Variants in PRDM16 observed in about 807,000 individuals in gnomAD.
The protein encoded by PRDM16 is PR/SET domain 16, also known as histone-lysine N-methyltransferase PRDM16.
A neutral mutation model predicts 110.6 loss-of-function variants in PRDM16; 23 were observed. The ratio of observed to expected loss-of-function variants is 0.21; its 90% confidence interval spans 0.15 to 0.29. PRDM16 has a LOEUF of 0.29. Ranked by LOEUF, PRDM16 falls within the 10% of genes least tolerant of loss-of-function variation. The pLI, the probability that PRDM16 is intolerant of heterozygous loss-of-function variation, is 1.00. For synonymous variants in PRDM16, 799 were observed against 781.8 expected (o/e 1.02, Z -0.37); for missense variants, 1,615 against 1,794.3 (o/e 0.90, Z 1.81).
rs1253284043 is a variant in PRDM16, at chr1:3,143,399, G to T, written c.38-42726G>T. 6.6e-6 allele frequency among the ~76,000 whole-genome samples: 1 copy of T among 152,192 alleles called. No homozygotes were observed. Among genetic ancestry groups the T allele is most frequent in the South Asian group, 2.1e-4 (1 of 4,830 alleles). ...TCCCAGCAGGTGGCCTCCCCAACTT[G>T]AGCTGGGTTCATTTCCTCTCTCCAC... On this transcript the variant is annotated intron_variant, in intron 1 of 16. Coordinates refer to ENST00000270722, the MANE Select transcript of PRDM16 (RefSeq NM_022114.4). This position sits in a 1 kb window ranked among gnomAD's most constrained non-coding sequence, Gnocchi z 4.5.
chr1:3,191,451 A>G, intron 2 of PRDM16, among the ~76,000 whole-genome samples: 1 of 152,126 alleles, frequency 6.6e-6, no homozygotes, highest in South Asian at 2.1e-4. Flanking sequence ...CAGGGCCAGG[A>G]CCTGCCAGTC....
At chr1:3,212,279 C>G (rs954207805) in intron 2 of PRDM16, among the ~76,000 whole-genome samples, 1 of 152,194 alleles carries the variant, frequency 6.6e-6, no homozygotes, top group African/African-American at 2.4e-5. Context: ...TAGTTAAGCT[C>G]CTCATTTGTC....
intron 1 of PRDM16, among the ~76,000 whole-genome samples, chr1:3,145,888 C>A (rs898344561): frequency 1.3e-5 from 2 of 152,190 alleles, no homozygotes; most frequent in African/African-American, 4.8e-5. Context: ...GGTGGGCAGC[C>A]CGGTCAGCCC....
At chr1:3,334,401 AC>A (rs201338927) in intron 3 of PRDM16, among the ~76,000 whole-genome samples, 2 of 142,258 alleles carry the variant, frequency 1.4e-5, no homozygotes, top group South Asian at 2.4e-4. Context: ...CCCATAACCC[AC>A]CCCCCCACAT....
At chr1:3,331,047 G>A (rs1443483704) in intron 3 of PRDM16, among the ~76,000 whole-genome samples, 1 of 152,224 alleles carries the variant, frequency 6.6e-6, no homozygotes, top group African/African-American at 2.4e-5. Context: ...ACCCCACATT[G>A]ACAGGCCCCA....
intron 2 of PRDM16, among the ~76,000 whole-genome samples, chr1:3,234,063 T>C (rs1639482243): frequency 6.6e-6 from 1 of 152,046 alleles, no homozygotes; most frequent in Admixed American, 6.5e-5. Flanking sequence ...CCAGGCTGGA[T>C]GTGACTTTCG....
intron 2 of PRDM16, among the ~76,000 whole-genome samples, chr1:3,221,381 T>A (rs1639147324): frequency 6.6e-6 from 1 of 152,300 alleles, no homozygotes; most frequent in African/African-American, 2.4e-5. Context: ...ATCATGTACG[T>A]GGGACTTTTT....
chr1:3,114,192 C>CGCACACGCACGCGT (rs1491230741), intron 1 of PRDM16, among the ~76,000 whole-genome samples: 2 of 54,260 alleles, frequency 3.7e-5, no homozygotes, highest in East Asian at 3.9e-3. Context: ...CACGCACACA[C>CGCACACGCACGCGT]GCACACGCAC....
chr1:3,253,248 G>C (rs371218711), intron 3 of PRDM16, among the ~76,000 whole-genome samples: 3 of 151,560 alleles, frequency 2.0e-5, no homozygotes, highest in African/African-American at 4.8e-5. Flanking sequence ...GGGTACATGT[G>C]CACAATGTAC....
At chr1:3,122,023 C>T (rs1009851263) in intron 1 of PRDM16, among the ~76,000 whole-genome samples, 4 of 152,206 alleles carry the variant, frequency 2.6e-5, no homozygotes, top group African/African-American at 7.2e-5. Flanking sequence ...CTATGAAACG[C>T]GCACCCGGCG....
intron 1 of PRDM16, among the ~76,000 whole-genome samples, chr1:3,136,366 A>T (rs1161899394): frequency 6.6e-6 from 1 of 152,088 alleles, no homozygotes; most frequent in African/African-American, 2.4e-5. Flanking sequence ...TTTACAGACG[A>T]GGCAGTGGAG....
At chr1:3,181,110 GCGGCCT>G (rs1557507980) in intron 1 of PRDM16, among the ~76,000 whole-genome samples, 25 of 76,260 alleles carry the variant, frequency 3.3e-4, no homozygotes, top group Non-Finnish European at 5.0e-4. Context: ...AGTCTTACAC[GCGGCCT>G]TACACACGCA....
intron 3 of PRDM16, among the ~76,000 whole-genome samples, chr1:3,289,941 C>T (rs576239617): frequency 1.4e-3 from 214 of 151,682 alleles, no homozygotes; most frequent in Non-Finnish European, 2.0e-3. Flanking sequence ...ATCCAAGTCA[C>T]CAGACCTCAA....
At chr1:3,109,249 GT>G (rs1320979080) in intron 1 of PRDM16, among the ~76,000 whole-genome samples, 1 of 152,150 alleles carries the variant, frequency 6.6e-6, no homozygotes, top group Non-Finnish European at 1.5e-5. Flanking sequence ...TCCGGTCCAC[GT>G]TTTGCAGGTG....
rs1167810834 is a variant in PRDM16 at position 3,201,016 on chromosome 1, T to C, written c.387+14542T>C. ...GGAAGGGGAAGAGGAGGAGGACAGC[T>C]GAGAGCTGTGAGTCCAGGGTCAACC... is the stretch of plus-strand genomic sequence containing the variant. On this transcript the variant is annotated intron_variant, in intron 2 of 16. Transcript: ENST00000270722. The surrounding 1 kb of genome is among the most constrained non-coding windows in gnomAD (Gnocchi z 4.1). Among the ~76,000 whole-genome samples the C allele has an allele frequency of 6.6e-6, 1 of 151,754 alleles. No individual in the cohort carries two copies. The highest frequency in any genetic ancestry group is 2.4e-5 in the African/African-American group (1 of 41,282).
intron 3 of PRDM16, among the ~76,000 whole-genome samples, chr1:3,355,082 G>A (rs1048227044): frequency 4.6e-5 from 7 of 152,104 alleles, no homozygotes; most frequent in African/African-American, 1.7e-4. Flanking sequence ...CAGGCCTCCC[G>A]CACCGATACC....
intron 3 of PRDM16, among the ~76,000 whole-genome samples, chr1:3,381,074 C>T (rs12085231): frequency 6.6e-6 from 1 of 152,178 alleles, no homozygotes; most frequent in Non-Finnish European, 1.5e-5. Flanking sequence ...AATTGGCCAT[C>T]GCTTCAATGT....
At chr1:3,289,356 G>A (rs1013429268) in intron 3 of PRDM16, among the ~76,000 whole-genome samples, 5 of 152,208 alleles carry the variant, frequency 3.3e-5, no homozygotes, top group Non-Finnish European at 7.4e-5. Flanking sequence ...CCCGATGCCC[G>A]CCGGAGTCTG....
intron 3 of PRDM16, among the ~76,000 whole-genome samples, chr1:3,267,507 A>C (rs1043980768): frequency 6.6e-6 from 1 of 152,032 alleles, no homozygotes; most frequent in Non-Finnish European, 1.5e-5. Flanking sequence ...TCCCGTGGAG[A>C]GCGCCCTGGG....
Sources: gnomAD v4.1 joint callset for allele counts (sites outside exome capture counted in the v4.1 genomes callset) on GRCh38, gnomAD v4.1.1 for gene constraint, Gnocchi (gnomAD v3.1) non-coding constraint, MANE v1.5 for transcripts, NCBI Gene and HGNC (gene_info 2026-07-23, HGNC 2026-07-21) for gene names.